Variants in LPP observed in about 807,000 individuals in gnomAD.
LPP encodes the protein LIM domain containing preferred translocation partner in lipoma, also known as lipoma-preferred partner.
A neutral mutation model predicts 60.4 loss-of-function variants in LPP; 38 were observed. The observed-to-expected ratio is 0.63, with a 90% CI of 0.49 to 0.83. The LOEUF (loss-of-function observed/expected upper bound fraction) is 0.83, where lower values mean the gene tolerates loss of function less well. Ranked by LOEUF, LPP falls within the 40% of genes least tolerant of loss-of-function variation. LPP has a pLI of 0.00. For missense variants in LPP, 902 were observed against 783.6 expected, an observed-to-expected ratio of 1.15 and a Z score of -1.80; for synonymous variants, 328 against 290.8, an observed-to-expected ratio of 1.13 and a Z score of -1.30.
chr3:188,260,437 T>TG (rs1270293957), intron 2 of LPP, among the ~76,000 whole-genome samples: 1 of 152,110 alleles, frequency 6.6e-6, no homozygotes, highest in East Asian at 1.9e-4. Context: ...AATTTGCCTC[T>TG]GTTTTTTTAA....
At chr3:188,588,340 T>C (rs138061485) in intron 6 of LPP, among the ~76,000 whole-genome samples, 148 of 152,356 alleles carry the variant, frequency 9.7e-4, no homozygotes, top group African/African-American at 3.4e-3. Flanking sequence ...TTCATCACTG[T>C]GTCCCTCCCC....
intron 2 of LPP, among the ~76,000 whole-genome samples, chr3:188,241,756 A>C (rs1724952065): frequency 6.6e-6 from 1 of 152,288 alleles, no homozygotes; most frequent in Admixed American, 6.5e-5. Context: ...ACTACTATAT[A>C]CGTAATTTCA....
intron 1 of LPP, among the ~76,000 whole-genome samples, chr3:188,181,077 T>A (rs1724835571): frequency 6.6e-6 from 1 of 152,048 alleles, no homozygotes; most frequent in Non-Finnish European, 1.5e-5. Context: ...AAAATAGGCC[T>A]GGCACGGTGG....
chr3:188,479,361 C>T (rs989000621), intron 4 of LPP, among the ~76,000 whole-genome samples: 4 of 152,186 alleles, frequency 2.6e-5, no homozygotes, highest in Non-Finnish European at 5.9e-5. Context: ...TCTATGTCAG[C>T]AACACCTGAG....
intron 3 of LPP, among the ~76,000 whole-genome samples, chr3:188,378,739 C>G (rs1016502052): frequency 6.6e-6 from 1 of 152,200 alleles, no homozygotes; most frequent in Non-Finnish European, 1.5e-5. Context: ...CTCTCTGGCA[C>G]TCCCCAGTGA....
chr3:188,219,838 G>A (rs1371083058), intron 1 of LPP, among the ~76,000 whole-genome samples: 1 of 152,024 alleles, frequency 6.6e-6, no homozygotes, highest in East Asian at 1.9e-4. Flanking sequence ...CTTTCCTTTA[G>A]CCTGAGATAA....
chr3:188,608,506 C>CTG (rs1842953508), intron 6 of LPP, among the ~76,000 whole-genome samples: 1 of 10,222 alleles, frequency 9.8e-5, no homozygotes, highest in Non-Finnish European at 4.7e-4. Context: ...TATTTCCGGG[C>CTG]TCTCTGTTCT....
intron 6 of LPP, among the ~76,000 whole-genome samples, chr3:188,598,703 C>T (rs1840467467): frequency 6.6e-6 from 1 of 152,088 alleles, no homozygotes; most frequent in Non-Finnish European, 1.5e-5. Context: ...ATTCCATTAG[C>T]TCAATGTTCT....
chr3:188,230,729 C>T (rs1212017137), intron 2 of LPP, among the ~76,000 whole-genome samples: 1 of 149,880 alleles, frequency 6.7e-6, no homozygotes, highest in Admixed American at 6.7e-5. Flanking sequence ...GCCGAGATCG[C>T]ACCATTGCAC....
At chr3:188,363,598 C>G (rs1368948193) in intron 3 of LPP, among the ~76,000 whole-genome samples, 2 of 152,118 alleles carry the variant, frequency 1.3e-5, no homozygotes, top group Non-Finnish European at 2.9e-5. Context: ...CCTCCTTCGA[C>G]TGAGCTCTAG....
rs141467712 is a variant in LPP, at chr3:188,578,693, C to T, written c.430-30468C>T. On this transcript the variant is annotated intron_variant, in intron 6 of 11. Transcript: ENST00000617246. ...CACATTTAGTACTTGCTAGCTGAGA[C>T]TTCTGTTCTACAATTCTGAGTTAGT... is the stretch of plus-strand genomic sequence containing the variant. 7.1e-3 allele frequency among the ~76,000 whole-genome samples: 1,080 copies of T among 151,930 alleles called. 14 individuals are homozygous for T. The highest frequency in any genetic ancestry group is 0.025 in the African/African-American group (1,038 of 41,434).
At chr3:188,220,864 G>A (rs1328676545) in intron 1 of LPP, among the ~76,000 whole-genome samples, 1 of 152,158 alleles carries the variant, frequency 6.6e-6, no homozygotes, top group South Asian at 2.1e-4. Context: ...CCTGCCCCCC[G>A]ACTTCTCTGT....
intron 9 of LPP, among the ~76,000 whole-genome samples, chr3:188,838,345 C>T (rs756719741): frequency 5.3e-5 from 8 of 152,132 alleles, no homozygotes; most frequent in Non-Finnish European, 8.8e-5. Flanking sequence ...TGGGGGGACT[C>T]ATATGCACCT....
At chr3:188,811,555 T>A (rs1750997092) in intron 9 of LPP, among the ~76,000 whole-genome samples, 1 of 152,128 alleles carries the variant, frequency 6.6e-6, no homozygotes, top group South Asian at 2.1e-4. Context: ...ACCTATGGCC[T>A]TGTTTTATAG....
chr3:188,696,902 T>C (rs2149531530), intron 7 of LPP, among the ~76,000 whole-genome samples: 1 of 152,326 alleles, frequency 6.6e-6, no homozygotes, highest in South Asian at 2.1e-4. Flanking sequence ...ATTACTATTA[T>C]TTGTGGATAA....
intron 1 of LPP, among the ~76,000 whole-genome samples, chr3:188,185,663 A>G (rs1242148501): frequency 6.6e-6 from 1 of 152,036 alleles, no homozygotes; most frequent in Non-Finnish European, 1.5e-5. Context: ...TTTTCTTCAC[A>G]TGTTTCAATC....
chr3:188,790,059 C>T (rs766303786), intron 9 of LPP, among the ~76,000 whole-genome samples: 4 of 152,044 alleles, frequency 2.6e-5, no homozygotes, highest in Non-Finnish European at 4.4e-5. Context: ...CGATTTCAGA[C>T]AGTAGGCGTA....
chr3:188,640,310 T>C (rs1343948636), intron 7 of LPP, among the ~76,000 whole-genome samples: 1 of 145,994 alleles, frequency 6.8e-6, no homozygotes, highest in Non-Finnish European at 1.5e-5. Context: ...TAGGTGGGAA[T>C]TGAACAATGA....
intron 7 of LPP, among the ~76,000 whole-genome samples, chr3:188,694,824 G>A (rs965553928): frequency 6.6e-6 from 1 of 152,210 alleles, no homozygotes; most frequent in Non-Finnish European, 1.5e-5. Flanking sequence ...TGTGCGCAGA[G>A]AGACTATATC....
Sources: allele counts gnomAD v4.1 joint callset (sites outside exome capture counted in the v4.1 genomes callset), GRCh38; gene constraint gnomAD v4.1.1; transcripts MANE v1.5; gene names NCBI Gene and HGNC (gene_info 2026-07-23, HGNC 2026-07-21).